DCC: variants seen among roughly 807,000 people sequenced by gnomAD.
DCC encodes DCC netrin 1 receptor.
DCC carries 58 observed loss-of-function variants against 172.5 expected under a neutral mutation model. That is an observed-to-expected ratio of 0.34 (90% confidence interval 0.27 to 0.42). DCC has a LOEUF of 0.42. DCC is among the 10% of genes least tolerant of loss of function. The pLI is 1.00. For missense variants in DCC, 1,740 were observed against 1,791.0 expected, an observed-to-expected ratio of 0.97 and a Z score of 0.51; for synonymous variants, 709 against 644.5, an observed-to-expected ratio of 1.10 and a Z score of -1.52.
chr18:52,846,647 A>ACT lies in DCC; in HGVS notation c.413-59396_413-59395insTC, dbSNP rs1555672675. Among the ~76,000 whole-genome samples, 584 of 144,176 alleles carry ACT rather than the reference A, an allele frequency of 4.1e-3. 5 individuals carry two copies. The highest frequency in any genetic ancestry group is 0.03 in the Middle Eastern group (8 of 264). 94.6% of individuals were successfully genotyped at this position (144,176 alleles called of 152,430 possible). ...CACACACACACACACACACACACAC[A>ACT]CACACTTGGGGATACTTGTCTTGGT... On this transcript the variant is annotated intron_variant, in intron 2 of 28. Transcript: ENST00000442544.
chr18:53,000,010 C>T (rs568339885), intron 5 of DCC, among the ~76,000 whole-genome samples: 61 of 152,022 alleles, frequency 4.0e-4, no homozygotes, highest in African/African-American at 1.2e-3. Flanking sequence ...GGCCAAGGAA[C>T]GCCAAACATC....
chr18:53,391,591 A>AT (rs1568101852), intron 16 of DCC, 64 bp from the exon 17 acceptor site: 1 of 1,093,956 alleles, frequency 9.1e-7, no homozygotes, highest in Non-Finnish European at 1.4e-6. Flanking sequence ...ACTGATATTT[A>AT]TTTTTTAACG....
intron 1 of DCC, among the ~76,000 whole-genome samples, chr18:52,357,317 G>C (rs1243095919): frequency 6.6e-6 from 1 of 152,082 alleles, no homozygotes; most frequent in Non-Finnish European, 1.5e-5. Flanking sequence ...TGGAGTGCCA[G>C]AAAGGAAGAA....
At chr18:52,841,367 A>T (rs1245722198) in intron 2 of DCC, among the ~76,000 whole-genome samples, 15 of 152,156 alleles carry the variant, frequency 9.9e-5, no homozygotes, top group Admixed American at 9.8e-4. Flanking sequence ...AGGCTATTTT[A>T]TCAGGTCTGT....
intron 2 of DCC, among the ~76,000 whole-genome samples, chr18:52,791,000 A>T (rs2037755430): frequency 6.6e-6 from 1 of 152,168 alleles, no homozygotes; most frequent in East Asian, 1.9e-4. Flanking sequence ...CATTTTCTGC[A>T]GGGTTAAGAG....
chr18:52,941,048 A>G (rs1446816987), intron 5 of DCC: 4 of 152,170 alleles, frequency 2.6e-5, no homozygotes, highest in African/African-American at 9.7e-5. Flanking sequence ...GCACAGAAAA[A>G]TGATGGGTGA....
intron 8 of DCC, among the ~76,000 whole-genome samples, chr18:53,170,442 G>C (rs898368788): frequency 3.9e-5 from 6 of 152,144 alleles, no homozygotes; most frequent in Admixed American, 3.9e-4. Flanking sequence ...TTTTTGGAGT[G>C]GGGGCAAGCC....
chr18:52,795,116 G>A (rs143386401), intron 2 of DCC, among the ~76,000 whole-genome samples: 1 of 152,066 alleles, frequency 6.6e-6, no homozygotes, highest in Non-Finnish European at 1.5e-5. Context: ...TTTGTCTGGT[G>A]TTGGTATCAG....
intron 1 of DCC, among the ~76,000 whole-genome samples, chr18:52,671,988 G>A (rs1017258135): frequency 2.0e-5 from 3 of 152,074 alleles, no homozygotes; most frequent in East Asian, 1.9e-4. Flanking sequence ...TTATCGTGTC[G>A]ACCCTTGCAA....
chr18:53,158,606 C>T (rs1316849155), intron 8 of DCC, among the ~76,000 whole-genome samples: 1 of 152,074 alleles, frequency 6.6e-6, no homozygotes, highest in Non-Finnish European at 1.5e-5. Flanking sequence ...CCTGCTGGGT[C>T]TCAAAATGCT....
intron 2 of DCC, among the ~76,000 whole-genome samples, chr18:52,871,240 G>A (rs142001007): frequency 3.9e-5 from 6 of 152,068 alleles, no homozygotes; most frequent in East Asian, 1.9e-4. Flanking sequence ...ACCCCTCCAC[G>A]GTGGAAACCA....
chr18:52,366,885 G>T (rs1175416472), intron 1 of DCC, among the ~76,000 whole-genome samples: 1 of 152,252 alleles, frequency 6.6e-6, no homozygotes, highest in Non-Finnish European at 1.5e-5. Flanking sequence ...CTGCCTGCCA[G>T]TCCCGTGCCG....
chr18:53,179,125 G>C lies in DCC; in HGVS notation c.1573+9G>C. On this transcript the variant is annotated intron_variant, in intron 9 of 28. Coordinates refer to ENST00000442544, the MANE Select transcript of DCC (RefSeq NM_005215.4). The stretch of plus-strand genomic sequence containing the variant: ...GGCCACACAGCCTGAGTGTGAGTAT[G>C]AAAAGGAACGGGCCACATTTAAAAA... 6.2e-7 allele frequency: 1 copy of C among 1,612,686 alleles called. No individual in the cohort carries two copies. The highest frequency in any genetic ancestry group is 8.5e-7 in the Non-Finnish European group (1 of 1,178,932).
intron 1 of DCC, among the ~76,000 whole-genome samples, chr18:52,465,574 C>T (rs1988761381): frequency 6.6e-6 from 1 of 152,080 alleles, no homozygotes; most frequent in Non-Finnish European, 1.5e-5. Flanking sequence ...ACAATAGATC[C>T]CCAAAGAGGC....
chr18:53,073,545 T>C (rs1047915227), intron 7 of DCC, among the ~76,000 whole-genome samples: 4 of 151,992 alleles, frequency 2.6e-5, no homozygotes, highest in Admixed American at 2.6e-4. Flanking sequence ...ATGATAATAA[T>C]AATGAAGAAT....
intron 1 of DCC, among the ~76,000 whole-genome samples, chr18:52,720,086 G>C (rs563531876): frequency 1.3e-5 from 2 of 152,106 alleles, no homozygotes; most frequent in Non-Finnish European, 2.9e-5. Flanking sequence ...ATGATACGGT[G>C]GCGCAGGCAG....
At chr18:53,107,324 G>A (rs2043263718) in intron 7 of DCC, among the ~76,000 whole-genome samples, 1 of 151,798 alleles carries the variant, frequency 6.6e-6, no homozygotes, top group African/African-American at 2.4e-5. Flanking sequence ...CATGTCTTAT[G>A]TGATAGAAGT....
chr18:52,740,570 G>GT (rs1281030684), intron 1 of DCC, among the ~76,000 whole-genome samples: 1 of 152,120 alleles, frequency 6.6e-6, no homozygotes, highest in Non-Finnish European at 1.5e-5. Flanking sequence ...AATTTTTAAG[G>GT]TTTTCCCTGG....
intron 2 of DCC, among the ~76,000 whole-genome samples, chr18:52,757,772 A>G (rs2037098508): frequency 6.6e-6 from 1 of 152,150 alleles, no homozygotes; most frequent in African/African-American, 2.4e-5. Context: ...GAATCTCTAT[A>G]CATTACCTTG....
Sources: gnomAD v4.1 joint callset for allele counts (sites outside exome capture counted in the v4.1 genomes callset) on GRCh38, gnomAD v4.1.1 for gene constraint, MANE v1.5 for transcripts, NCBI Gene and HGNC (gene_info 2026-07-23, HGNC 2026-07-21) for gene names.